Variants in MYH9 observed in about 807,000 individuals in gnomAD.
The protein encoded by MYH9 is myosin-9.
A neutral mutation model predicts 241.9 loss-of-function variants in MYH9; 29 were observed. That is an observed-to-expected ratio of 0.12 (90% CI 0.09 to 0.16). The LOEUF is 0.16. Ranked by LOEUF, MYH9 falls within the 10% of genes least tolerant of loss-of-function variation. The pLI, the probability that MYH9 is intolerant of heterozygous loss-of-function variation, is 1.00. For synonymous variants in MYH9, 1,047 were observed against 1,062.6 expected, an observed-to-expected ratio of 0.99 and a Z score of 0.29; for missense variants, 1,803 against 2,595.5, an observed-to-expected ratio of 0.69 and a Z score of 6.63.
Position 36,300,252 on chromosome 22 carries a change from GCTC to G in MYH9, c.2848_2850del (p.Glu950del). 6.2e-7 allele frequency: 1 copy of G among 1,612,974 alleles called. No homozygotes were observed. The highest frequency in any genetic ancestry group is 8.5e-7 in the Non-Finnish European group (1 of 1,179,988). On this transcript the variant is annotated inframe_deletion, in exon 23 of 41. Transcript: ENST00000216181. This position sits in a 1 kb window ranked among gnomAD's most constrained non-coding sequence, Gnocchi z 5.0. ...CGGGCGCTCTCCTCCTCCTCCAGCT[GCTC>G]CTCAAGCTCCTGCCGGGGGCCAGAG...
rs777313876 is a variant in MYH9, at chr22:36,293,284, G to A, written c.4095+45C>T. 6.2e-7 allele frequency: 1 copy of A among 1,611,944 alleles called. No individual in the cohort carries two copies. The highest frequency in any genetic ancestry group is 8.5e-7 in the Non-Finnish European group (1 of 1,179,440). On this transcript the variant is annotated intron_variant, in intron 30 of 40. Transcript: ENST00000216181. The surrounding 1 kb of genome is among the most constrained non-coding windows in gnomAD (Gnocchi z 5.1). The stretch of plus-strand genomic sequence containing the variant: ...TGCCCAGGCCAGTGCCCGGCCAGCA[G>A]CTCCCCAGCCTGCAGAGTCCGGCCG...
intron 34 of MYH9, among the ~76,000 whole-genome samples, chr22:36,287,182 G>A (rs543401666): frequency 1.2e-4 from 19 of 152,256 alleles, no homozygotes; most frequent in African/African-American, 3.1e-4. Flanking sequence ...CCAGCCTGCC[G>A]GTCCATCCCC....
Position 36,320,956 on chromosome 22 carries a change from ATTTT to A in MYH9, c.770-64_770-61del. 5 of 1,213,164 alleles carry A rather than the reference ATTTT, an allele frequency of 4.1e-6. No individual in the cohort carries two copies. The highest frequency in any genetic ancestry group is 2.7e-5 in the East Asian group (1 of 37,188). 75.1% of individuals were successfully genotyped at this position (1,213,164 alleles called of 1,614,324 possible). The stretch of plus-strand genomic sequence containing the variant: ...AGAAGGCAAGCCCTCCACTTTCCTC[ATTTT>A]TTTTTTTTTGGAGACAGAGTCTCGC... On this transcript the variant is annotated intron_variant, in intron 7 of 40. Transcript: ENST00000216181. The surrounding 1 kb of genome is among the most constrained non-coding windows in gnomAD (Gnocchi z 4.8).
Position 36,302,627 on chromosome 22 carries a change from G to T in MYH9, c.2440C>A (p.Arg814=). The T allele has an allele frequency of 6.2e-7, 1 of 1,613,612 alleles. No individual in the cohort carries two copies. The highest frequency in any genetic ancestry group is 8.5e-7 in the Non-Finnish European group (1 of 1,179,952). The part of the protein sequence containing the change: ...QQLTAMKVLQ[R]NCAAYLKLRN... ...AGCTTCAGGTAGGCAGCGCAGTTCC[G>T]CTGGAGGACCTTCATGGCGGTAAGC... The change falls in exon 20 of 41, where the codon CGG becomes AGG. Residue 814 remains arginine, a synonymous_variant. Transcript: ENST00000216181.
At chr22:36,331,315 C>T (rs190446659) in intron 3 of MYH9, among the ~76,000 whole-genome samples, 4 of 152,340 alleles carry the variant, frequency 2.6e-5, no homozygotes, top group African/African-American at 7.2e-5. Flanking sequence ...TGAGCAATTC[C>T]CTGGCACCGC....
At chr22:36,378,403 CG>C (rs1195434809) in intron 1 of MYH9, among the ~76,000 whole-genome samples, 3 of 152,156 alleles carry the variant, frequency 2.0e-5, no homozygotes, top group Non-Finnish European at 4.4e-5. Context: ...GGAGAAAAGG[CG>C]GGGGGTCTGC....
chr22:36,378,539 T>C (rs1307853423), intron 1 of MYH9, among the ~76,000 whole-genome samples: 1 of 152,170 alleles, frequency 6.6e-6, no homozygotes, highest in Non-Finnish European at 1.5e-5. Flanking sequence ...CAGGGCTGGC[T>C]GAGGACAGTG....
At chr22:36,304,308 T>C (rs964064570) in intron 18 of MYH9, among the ~76,000 whole-genome samples, 153 bp from the exon 19 acceptor site, 1 of 151,690 alleles carries the variant, frequency 6.6e-6, no homozygotes, top group African/African-American at 2.4e-5. Context: ...TCTCCCTCCT[T>C]CTTCCTGTTC....
intron 30 of MYH9, among the ~76,000 whole-genome samples, chr22:36,292,783 G>A (rs993013539): frequency 6.6e-6 from 1 of 152,234 alleles, no homozygotes; most frequent in Admixed American, 6.5e-5. Context: ...GTCTAGAGAG[G>A]CCAAGGGACT....
rs185241409 is a variant in MYH9, at chr22:36,321,677, T to C, written c.769+81A>G. 80 of 1,310,054 alleles carry C rather than the reference T, an allele frequency of 6.1e-5. 1 individual carries two copies. In the East Asian group the frequency reaches 1.2e-3, roughly 20 times the overall value. The allele number at this position is 1,310,054 out of a possible 1,614,324, so 81.2% of individuals were successfully genotyped here. A position where few individuals can be genotyped will look rare whatever the true frequency, so the allele number is the denominator to read the frequency against. On this transcript the variant is annotated intron_variant, in intron 7 of 40. Coordinates refer to ENST00000216181, the MANE Select transcript of MYH9 (RefSeq NM_002473.6). The stretch of plus-strand genomic sequence containing the variant: ...GCCCATAAAGGGGAAAGTGCTGGAA[T>C]CAGGAGGCAGCTTCTTCTCTACAGA...
At chr22:36,344,396 GAGGTCATGAT>G (rs2017641348) in intron 2 of MYH9, among the ~76,000 whole-genome samples, 1 of 152,174 alleles carries the variant, frequency 6.6e-6, no homozygotes, top group African/African-American at 2.4e-5. Flanking sequence ...GAAGGCTCCT[GAGGTCATGAT>G]TTGGAAGCTT....
chr22:36,321,664 G>A, intron 7 of MYH9, 94 bp downstream of exon 7: 2 of 1,197,792 alleles, frequency 1.7e-6, no homozygotes, highest in Admixed American at 1.7e-5. Context: ...CCATAAAGGG[G>A]AAAGTGCTGG....
At chr22:36,326,753 C>T (rs922508330) in intron 4 of MYH9, 92 bp from the exon 5 acceptor site, 10 of 1,112,928 alleles carry the variant, frequency 9.0e-6, no homozygotes, top group Admixed American at 1.7e-5. Flanking sequence ...GCCTCGCATT[C>T]TGTTGGGTGC....
chr22:36,348,834 A>ACGGGGGGGGGGGG, intron 2 of MYH9, 70 bp downstream of exon 2: 4 of 888,368 alleles, frequency 4.5e-6, no homozygotes, highest in East Asian at 1.0e-4. Context: ...GGGTGATGGG[A>ACGGGGGGGGGGGG]AGACCCGCCC....
At position 36,321,748 on chromosome 22, in the gene MYH9, A is replaced by T; in HGVS notation, c.769+10T>A. 1 of 1,613,454 alleles carries T rather than the reference A, an allele frequency of 6.2e-7. No individual in the cohort carries two copies. Among genetic ancestry groups the T allele is most frequent in the Non-Finnish European group, 8.5e-7 (1 of 1,179,346 alleles). On this transcript the variant is annotated intron_variant, in intron 7 of 40. Coordinates refer to ENST00000216181, the MANE Select transcript of MYH9 (RefSeq NM_002473.6). ...TCCAGGACTCTTATCCCAACGAACC[A>T]CAAGGATACAAGTCTCAATGTTGGC...
At chr22:36,302,765 G>T (rs549964897) in intron 19 of MYH9, 89 bp from the exon 20 acceptor site, 2 of 1,148,762 alleles carry the variant, frequency 1.7e-6, no homozygotes, top group South Asian at 1.3e-5. Context: ...TTTTCTGGGG[G>T]TCTACCCTTG....
chr22:36,321,871 G>A (rs376141229), intron 6 of MYH9, 50 bp from the exon 7 acceptor site: 1 of 1,516,918 alleles, frequency 6.6e-7, no homozygotes, highest in Admixed American at 1.7e-5. Flanking sequence ...GACATGGGGA[G>A]CTAGAGAGCA....
chr22:36,317,992 C>G (rs1416559117), intron 11 of MYH9, among the ~76,000 whole-genome samples: 1 of 152,266 alleles, frequency 6.6e-6, no homozygotes, highest in Non-Finnish European at 1.5e-5. Context: ...ATGGCACTTC[C>G]TGGGCGTGAA....
Position 36,293,411 on chromosome 22 carries a change from T to C in MYH9, c.4013A>G (p.Lys1338Arg). The C allele has an allele frequency of 6.2e-7, 1 of 1,614,020 alleles. No individual in the cohort carries two copies. The highest frequency in any genetic ancestry group is 8.5e-7 in the Non-Finnish European group (1 of 1,180,018). ...STKLKQVEDE[K>R]NSFREQLEEE... ...CTCCAGCTGCTCCCGGAAGGAATTC[T>C]TCTCGTCCTCCACCTGCTTGAGCTT... Residue 1338 changes from lysine to arginine, a missense_variant, in exon 30 of 41, where the codon AAG becomes AGG. Coordinates refer to ENST00000216181, the MANE Select transcript of MYH9 (RefSeq NM_002473.6). This position sits in a 1 kb window ranked among gnomAD's most constrained non-coding sequence, Gnocchi z 5.1.
Sources: allele counts gnomAD v4.1 joint callset (sites outside exome capture counted in the v4.1 genomes callset), GRCh38; gene constraint gnomAD v4.1.1; non-coding constraint Gnocchi (gnomAD v3.1); transcripts MANE v1.5; gene names NCBI Gene and HGNC (gene_info 2026-07-23, HGNC 2026-07-21).